The following MICAL2 variants were observed in gnomAD, a reference collection of about 807,000 sequenced individuals.
The protein encoded by MICAL2 is microtubule associated monooxygenase, calponin and LIM domain containing 2.
MICAL2 carries 77 observed loss-of-function variants against 127.3 expected under a neutral mutation model. The observed-to-expected ratio is 0.60, with a 90% CI of 0.50 to 0.73. The LOEUF is 0.73. Ranked by LOEUF, MICAL2 falls within the 30% of genes least tolerant of loss-of-function variation. MICAL2 has a pLI of 0.00. For synonymous variants in MICAL2, 570 were observed against 551.1 expected (o/e 1.03, Z -0.48); for missense variants, 1,351 against 1,434.4 (o/e 0.94, Z 0.94).
intron 15 of MICAL2, among the ~76,000 whole-genome samples, chr11:12,228,844 G>A (rs1037883548): frequency 3.9e-5 from 6 of 152,162 alleles, no homozygotes; most frequent in Non-Finnish European, 4.4e-5. Context: ...GAGTTCCTGG[G>A]GTGGTCAGTG....
downstream of MICAL2, chr11:12,294,400 G>C (rs1863948730): frequency 6.2e-7 from 1 of 1,614,152 alleles, no homozygotes; most frequent in Non-Finnish European, 8.5e-7. Context: ...ATAAAGACGG[G>C]GACCAGCATT....
chr11:12,180,080 G>T (rs1464257968), intron 3 of MICAL2, among the ~76,000 whole-genome samples: 1 of 152,116 alleles, frequency 6.6e-6, no homozygotes, highest in Non-Finnish European at 1.5e-5. Flanking sequence ...TGAAATCAGG[G>T]TTCATTCCCC....
intron 6 of MICAL2, 31 bp from the exon 7 acceptor site, chr11:12,213,224 T>C (rs1208747784): frequency 1.9e-6 from 3 of 1,581,902 alleles, no homozygotes; most frequent in Non-Finnish European, 2.6e-6. Context: ...ATCCAGAAGA[T>C]AGACCCACTT....
chr11:12,287,791 C>T (rs184256993), downstream of MICAL2, among the ~76,000 whole-genome samples: 3 of 152,254 alleles, frequency 2.0e-5, no homozygotes, highest in East Asian at 1.9e-4. Context: ...CTAGGCAGGC[C>T]GGGGATCCAG....
At chr11:12,119,044 TCCTC>T (rs1850283532) in intron 1 of MICAL2, among the ~76,000 whole-genome samples, 1 of 152,088 alleles carries the variant, frequency 6.6e-6, no homozygotes, top group East Asian at 1.9e-4. Context: ...CCCCACTACT[TCCTC>T]CTCCTGTAGG....
rs780704005 is a variant in MICAL2 at position 12,208,118 on chromosome 11, C to T, written c.568C>T (p.Pro190Ser). Residue 190 changes from proline to serine, a missense_variant, in exon 5 of 28, where the codon CCT becomes TCT. Pro to Ser is a moderately conservative substitution (Grantham distance 74). Around this residue, in one of 2 missense-constraint regions of MICAL2, gnomAD observed 599 missense variants for 714.9 expected, o/e 0.84. Transcript: ENST00000683283. ...GGAGTTCGTGAAGGTTCTAGAGCCTCCTGAAGATCAAGAAAATCAAAGTAC... is the reference window on the plus strand; with the variant it reads ...GGAGTTCGTGAAGGTTCTAGAGCCTTCTGAAGATCAAGAAAATCAAAGTAC... ...NVEFVKVLEP[P>S]EDQENQKIGW... 3 of 1,613,574 alleles carry T rather than the reference C, an allele frequency of 1.9e-6. No individual in the cohort carries two copies. Among genetic ancestry groups the T allele is most frequent in the Non-Finnish European group, 2.5e-6 (3 of 1,179,544 alleles).
rs1312002126 is a variant in MICAL2 at position 12,130,803 on chromosome 11, A to G, written c.-148-7587A>G. On this transcript the variant is annotated intron_variant, in intron 1 of 27. Coordinates refer to ENST00000683283, the MANE Select transcript of MICAL2 (RefSeq NM_001282663.2). ...GCACCCCAGCACTTGGGCTAGAATT[A>G]AGGCCTGGCAGGTCTGCAGAGCAGC... is the stretch of plus-strand genomic sequence containing the variant. Among the ~76,000 whole-genome samples, 3 of 151,808 alleles carry G rather than the reference A, an allele frequency of 2.0e-5. No individual in the cohort carries two copies. The South Asian group carries it at 6.2e-4, about 31-fold the overall frequency.
chr11:12,338,635 T>C (rs549824277), intron 32 of MICAL2, among the ~76,000 whole-genome samples: 10 of 152,372 alleles, frequency 6.6e-5, no homozygotes, highest in African/African-American at 2.4e-4. Context: ...CAGGAGCTCT[T>C]TTAGGGCAGG....
rs61875258 is a variant in MICAL2 at position 12,209,724 on chromosome 11, C to T, written c.691+126C>T. ...CTGGATGGAGGTTTTGATAGGAGGG[C>T]AGACCATCCTGTCCCTCTTGAGGTA... On this transcript the variant is annotated intron_variant, in intron 6 of 27. Transcript: ENST00000683283. 7 of 809,938 alleles carry T rather than the reference C, an allele frequency of 8.6e-6. No homozygotes were observed. The African/African-American group carries it at 1.0e-4, about 12-fold the overall frequency. The allele number at this position is 809,938 out of a possible 1,614,324, so 50.2% of individuals were successfully genotyped here. A position where few individuals can be genotyped will look rare whatever the true frequency, so the allele number is the denominator to read the frequency against.
intron 3 of MICAL2, among the ~76,000 whole-genome samples, chr11:12,173,857 A>G (rs1341674663): frequency 6.6e-6 from 1 of 152,200 alleles, no homozygotes; most frequent in Non-Finnish European, 1.5e-5. Flanking sequence ...ACATGGTAGC[A>G]TGTGTTGGAA....
At chr11:12,200,811 C>T (rs1331532833) in intron 3 of MICAL2, among the ~76,000 whole-genome samples, 2 of 152,236 alleles carry the variant, frequency 1.3e-5, no homozygotes, top group African/African-American at 4.8e-5. Flanking sequence ...TGGCAGCTCC[C>T]TGACTGGTGG....
intron 3 of MICAL2, among the ~76,000 whole-genome samples, chr11:12,168,940 C>A (rs1855886066): frequency 1.2e-5 from 1 of 83,090 alleles, no homozygotes; most frequent in Admixed American, 2.0e-4. Context: ...GAGCAAGATC[C>A]TGTCTCAAAA....
intron 26 of MICAL2, chr11:12,261,746 A>G (rs972205406): frequency 7.0e-5 from 69 of 985,360 alleles, no homozygotes; most frequent in Non-Finnish European, 8.0e-5. Flanking sequence ...AAACAGAGGC[A>G]TGGCCGTGGC....
chr11:12,166,059 C>T lies in MICAL2; in HGVS notation c.264+3640C>T, dbSNP rs144961948. ...TAACACCTGACTCGAATGTTACACCCGACTGAGTAGTGTTACGGAGGAAAA... is the reference window on the plus strand; with the variant it reads ...TAACACCTGACTCGAATGTTACACCTGACTGAGTAGTGTTACGGAGGAAAA... On this transcript the variant is annotated intron_variant, in intron 3 of 27. Coordinates refer to ENST00000683283, the MANE Select transcript of MICAL2 (RefSeq NM_001282663.2). 2.4e-3 allele frequency among the ~76,000 whole-genome samples: 364 copies of T among 152,254 alleles called. 2 individuals are homozygous for T. The highest frequency in any genetic ancestry group is 4.9e-3 in the Admixed American group (75 of 15,292).
At chr11:12,147,637 G>T (rs1853083321) in intron 2 of MICAL2, among the ~76,000 whole-genome samples, 1 of 152,226 alleles carries the variant, frequency 6.6e-6, no homozygotes, top group African/African-American at 2.4e-5. Flanking sequence ...GAGCCAAATG[G>T]CGTGGTCTGT....
At chr11:12,194,649 C>CCCTTT (rs1316138843) in intron 3 of MICAL2, among the ~76,000 whole-genome samples, 1 of 152,030 alleles carries the variant, frequency 6.6e-6, no homozygotes, top group Non-Finnish European at 1.5e-5. Flanking sequence ...TATCTGACAC[C>CCCTTT]CCTTTTTGGG....
chr11:12,235,051 C>A (rs563663367), intron 15 of MICAL2, among the ~76,000 whole-genome samples: 3 of 152,140 alleles, frequency 2.0e-5, no homozygotes, highest in African/African-American at 7.2e-5. Flanking sequence ...GGACATGGCT[C>A]CCTGGTTCTG....
chr11:12,237,143 G>A lies in MICAL2; in HGVS notation c.2064+898G>A, dbSNP rs140346759. ...AATAGAGTCATGAGGTTCACCTTGGGGAAAGCAGCAGCCAGCCATTCAACC... is the reference window on the plus strand; with the variant it reads ...AATAGAGTCATGAGGTTCACCTTGGAGAAAGCAGCAGCCAGCCATTCAACC... On this transcript the variant is annotated intron_variant, in intron 16 of 27. Coordinates refer to ENST00000683283, the MANE Select transcript of MICAL2 (RefSeq NM_001282663.2). Among the ~76,000 whole-genome samples, 1,353 of 152,276 alleles carry A rather than the reference G, an allele frequency of 8.9e-3. 10 individuals carry two copies. Among genetic ancestry groups the A allele is most frequent in the Non-Finnish European group, 0.014 (920 of 68,020 alleles).
chr11:12,309,120 G>A (rs1024863782), intron 29 of MICAL2, among the ~76,000 whole-genome samples: 1 of 152,062 alleles, frequency 6.6e-6, no homozygotes, highest in Admixed American at 6.6e-5. Context: ...TATGTAATGT[G>A]TCATGATCAA....
Sources: gnomAD v4.1 joint callset for allele counts (sites outside exome capture counted in the v4.1 genomes callset) on GRCh38, gnomAD v4.1.1 for gene constraint, gnomAD v4.1.1 regional missense constraint, MANE v1.5 for transcripts, NCBI Gene and HGNC (gene_info 2026-07-23, HGNC 2026-07-21) for gene names.